The following PPA2 variants were observed in gnomAD, a reference collection of about 807,000 sequenced individuals.
PPA2 encodes inorganic pyrophosphatase 2, mitochondrial.
In PPA2, 48 loss-of-function variants were observed where a neutral mutation model predicts 49.5. That is an observed-to-expected ratio of 0.97 (90% CI 0.77 to 1.23). The LOEUF is 1.23. PPA2 is among the 50% of genes most tolerant of loss of function. The probability of loss-of-function intolerance (pLI) is 0.00; values close to 1 mark genes in which losing one functional copy is unlikely to be tolerated. For missense variants in PPA2, 429 were observed against 410.1 expected (o/e 1.05, Z -0.40); for synonymous variants, 131 against 139.9 (o/e 0.94, Z 0.45).
At position 105,386,469 on chromosome 4, in the gene PPA2, G is replaced by C; in HGVS notation, c.939+98C>G. 3 of 1,055,372 alleles carry C rather than the reference G, an allele frequency of 2.8e-6. No individual in the cohort carries two copies. The African/African-American group carries it at 4.8e-5, about 17-fold the overall frequency. 65.4% of individuals were successfully genotyped at this position (1,055,372 alleles called of 1,614,324 possible). On this transcript the variant is annotated intron_variant, in intron 10 of 11. Transcript: ENST00000341695. ...TCTGTAAACTTTATGCTTCTCAAAAGGACTTGACACATTTCATTGCTAGAG... is the reference window on the plus strand; with the variant it reads ...TCTGTAAACTTTATGCTTCTCAAAACGACTTGACACATTTCATTGCTAGAG...
intron 4 of PPA2, among the ~76,000 whole-genome samples, chr4:105,448,770 C>T (rs1360270232): frequency 1.3e-5 from 2 of 151,618 alleles, no homozygotes; most frequent in Non-Finnish European, 2.9e-5. Flanking sequence ...TCAGAATCTA[C>T]TTAAACAACC....
chr4:105,387,466 A>C (rs1578803687), intron 9 of PPA2, among the ~76,000 whole-genome samples: 1 of 152,310 alleles, frequency 6.6e-6, no homozygotes, highest in East Asian at 1.9e-4. Flanking sequence ...ACCTAAGGAT[A>C]TACATTATCA....
At chr4:105,379,009 T>C (rs1407091916) in intron 10 of PPA2, among the ~76,000 whole-genome samples, 1 of 152,126 alleles carries the variant, frequency 6.6e-6, no homozygotes, top group Non-Finnish European at 1.5e-5. Context: ...TTATATCAGC[T>C]TGTTAATTTC....
rs1239519097 is a variant in PPA2, at chr4:105,474,014, G to A, written c.37C>T (p.Pro13Ser). Residue 13 changes from proline (P) to serine (S), a missense_variant, in exon 1 of 12, where the codon CCA (proline) becomes TCA (serine). Transcript: ENST00000341695. Reference protein sequence around the residue: ...ALLRLLRTGAPAAACLRLGTS... With the variant: ...ALLRLLRTGASAAACLRLGTS... Reference sequence around the variant, plus strand: ...CCCAACCGCAGGCACGCAGCGGCTGGGGCACCCGTGCGCAGCAGCCGCAGC... The same window carrying A: ...CCCAACCGCAGGCACGCAGCGGCTGAGGCACCCGTGCGCAGCAGCCGCAGC... 3.1e-6 allele frequency: 5 copies of A among 1,602,574 alleles called. No individual in the cohort carries two copies. Among genetic ancestry groups the A allele is most frequent in the Non-Finnish European group, 4.3e-6 (5 of 1,175,252 alleles).
At position 105,453,613 on chromosome 4, in the gene PPA2, T is replaced by C. The variant is rs751873011; in HGVS notation, c.252A>G (p.Arg84=). Residue 84 remains arginine (R), a synonymous_variant, in exon 3 of 12, where the codon CGA becomes CGG. Transcript: ENST00000341695. Reference sequence around the variant, plus strand: ...TTGGATATACCTCATATTCATCATTTCGTGCTTTCTTCATAGGAATGCCAT... The same window carrying C: ...TTGGATATACCTCATATTCATCATTCCGTGCTTTCTTCATAGGAATGCCAT... The part of the protein sequence containing the change: ...EENGIPMKKA[R]NDEYENLFNM... 1 of 1,606,562 alleles carries C rather than the reference T, an allele frequency of 6.2e-7. No individual in the cohort carries two copies. The highest frequency in any genetic ancestry group is 8.5e-7 in the Non-Finnish European group (1 of 1,176,308).
Position 105,474,023 on chromosome 4 carries a change from T to C in PPA2, c.28A>G (p.Thr10Ala). MSALLRLLR[T>A]GAPAAACLRL... ...AGGCACGCAGCGGCTGGGGCACCCG[T>C]GCGCAGCAGCCGCAGCAGCGCGCTC... The change falls in exon 1 of 12, where the codon ACG becomes GCG. Residue 10 changes from threonine (T) to alanine (A), a missense_variant. Coordinates refer to ENST00000341695, the MANE Select transcript of PPA2 (RefSeq NM_176869.3). 5 of 1,599,604 alleles carry C rather than the reference T, an allele frequency of 3.1e-6. No individual in the cohort carries two copies. Among genetic ancestry groups the C allele is most frequent in the South Asian group, 2.2e-5 (2 of 89,762 alleles).
At chr4:105,420,442 C>T (rs1344336098) in intron 7 of PPA2, among the ~76,000 whole-genome samples, 3 of 152,126 alleles carry the variant, frequency 2.0e-5, no homozygotes, top group South Asian at 2.1e-4. Flanking sequence ...ACAATAAAAA[C>T]GTATAGGAAA....
intron 5 of PPA2, among the ~76,000 whole-genome samples, chr4:105,442,310 C>T (rs923451638): frequency 4.6e-5 from 7 of 152,154 alleles, no homozygotes; most frequent in African/African-American, 1.7e-4. Flanking sequence ...TCATTCAATA[C>T]TCACAATAAC....
rs758644606 is a variant in PPA2, at chr4:105,449,411, T to G, written c.268-8A>C. 6.5e-7 allele frequency: 1 copy of G among 1,549,784 alleles called. No individual in the cohort carries two copies. The highest frequency in any genetic ancestry group is 8.8e-7 in the Non-Finnish European group (1 of 1,136,062). ...AATCATATTAAACAGATTCTGCAGTTAAAAACAAAACAAAGAGAGAACATT... is the reference window on the plus strand; with the variant it reads ...AATCATATTAAACAGATTCTGCAGTGAAAAACAAAACAAAGAGAGAACATT... On this transcript the variant is annotated splice_region_variant and splice_polypyrimidine_tract_variant and intron_variant, in intron 3 of 11. Transcript: ENST00000341695.
chr4:105,436,227 T>TAC lies in PPA2; in HGVS notation c.528+1721_528+1722dup, dbSNP rs368827719. The stretch of plus-strand genomic sequence containing the variant: ...AACAGCCACACACACACACGCATCA[T>TAC]ACACACACACACACACCCCGCAGGA... On this transcript the variant is annotated intron_variant, in intron 6 of 11. Coordinates refer to ENST00000341695, the MANE Select transcript of PPA2 (RefSeq NM_176869.3). Among the ~76,000 whole-genome samples the TAC allele has an allele frequency of 4.1e-3, 622 of 149,986 alleles. 1 individual carries two copies. Among genetic ancestry groups the TAC allele is most frequent in the Non-Finnish European group, 5.1e-3 (343 of 67,084 alleles).
intron 5 of PPA2, among the ~76,000 whole-genome samples, chr4:105,444,117 CT>C (rs1427957010): frequency 6.6e-6 from 1 of 152,192 alleles, no homozygotes; most frequent in Admixed American, 6.5e-5. Flanking sequence ...ACCTGCAGTA[CT>C]TACAAGAACA....
At chr4:105,415,021 C>T (rs1722941243) in intron 7 of PPA2, among the ~76,000 whole-genome samples, 1 of 152,082 alleles carries the variant, frequency 6.6e-6, no homozygotes, top group Non-Finnish European at 1.5e-5. Flanking sequence ...CAGGTTGTCC[C>T]GTCCTCCCGA....
At chr4:105,377,402 C>T (rs1733301205) in intron 10 of PPA2, among the ~76,000 whole-genome samples, 2 of 152,138 alleles carry the variant, frequency 1.3e-5, no homozygotes, top group South Asian at 2.1e-4. Context: ...TGATAAGATA[C>T]TATTATTATA....
chr4:105,448,234 A>C lies in PPA2; in HGVS notation c.321+1116T>G, dbSNP rs1722498676. The C allele has an allele frequency of 4.2e-5, 8 of 189,778 alleles. No homozygotes were observed. The South Asian group carries it at 6.0e-4, about 14-fold the overall frequency. The allele number at this position is 189,778 out of a possible 1,614,324, so 11.8% of individuals were successfully genotyped here. On this transcript the variant is annotated intron_variant, in intron 4 of 11. Transcript: ENST00000341695. ...ATGATGAAACATTATACATGAAACA[A>C]CACCAAAAGAATAATCTAATATCTT...
At chr4:105,413,259 A>C (rs140160696) in intron 7 of PPA2, among the ~76,000 whole-genome samples, 8 of 151,720 alleles carry the variant, frequency 5.3e-5, no homozygotes, top group South Asian at 2.1e-4. Flanking sequence ...CATAGGTGGG[A>C]GTTGAACAAT....
chr4:105,395,405 T>A (rs928619322), intron 9 of PPA2, among the ~76,000 whole-genome samples: 9 of 146,062 alleles, frequency 6.2e-5, no homozygotes, highest in Non-Finnish European at 1.2e-4. Flanking sequence ...CCTCCTATAC[T>A]TAGACTTACC....
intron 8 of PPA2, 35 bp downstream of exon 8, chr4:105,399,002 G>A: frequency 1.3e-6 from 2 of 1,592,982 alleles, no homozygotes; most frequent in Non-Finnish European, 1.7e-6. Context: ...CAGGTATCAG[G>A]AGGTACATTT....
chr4:105,468,322 G>A (rs1323801442), intron 1 of PPA2, among the ~76,000 whole-genome samples: 5 of 152,126 alleles, frequency 3.3e-5, no homozygotes, highest in East Asian at 3.8e-4. Flanking sequence ...GCTAGAGTTC[G>A]GAAATATGAC....
chr4:105,391,344 CAAA>C (rs11373169), intron 9 of PPA2, among the ~76,000 whole-genome samples: 7 of 102,514 alleles, frequency 6.8e-5, no homozygotes, highest in South Asian at 3.6e-4. Context: ...CTTAAAGTAA[CAAA>C]AAAAAAAAAA....
Sources: allele counts gnomAD v4.1 joint callset (sites outside exome capture counted in the v4.1 genomes callset), GRCh38; gene constraint gnomAD v4.1.1; transcripts MANE v1.5; gene names NCBI Gene and HGNC (gene_info 2026-07-23, HGNC 2026-07-21).